The following CLSTN2 variants were observed in gnomAD, a reference collection of about 807,000 sequenced individuals.
CLSTN2 encodes calsyntenin 2.
In CLSTN2, 48 loss-of-function variants were observed where a neutral mutation model predicts 101.2. The ratio of observed to expected loss-of-function variants is 0.47; its 90% CI spans 0.38 to 0.60. CLSTN2 has a LOEUF of 0.60. CLSTN2 is among the 20% of genes least tolerant of loss of function. CLSTN2 has a pLI of 0.00. For synonymous variants in CLSTN2, 481 were observed against 463.6 expected (o/e 1.04, Z -0.48); for missense variants, 1,160 against 1,238.2 (o/e 0.94, Z 0.95).
rs962418427 is a variant in CLSTN2, at chr3:140,573,759, A to T, written c.*7506A>T. On this transcript the variant is annotated 3_prime_UTR_variant, in exon 17 of 17. Coordinates refer to ENST00000458420, the MANE Select transcript of CLSTN2 (RefSeq NM_022131.3). ...TAGCACCATCTGTTGAGTTCTGAAGAACCCAGATTCTCTCCTGCTCACAGC... is the reference window on the plus strand; with the variant it reads ...TAGCACCATCTGTTGAGTTCTGAAGTACCCAGATTCTCTCCTGCTCACAGC... 3.9e-5 allele frequency: 6 copies of T among 152,224 alleles called. No homozygotes were observed. The highest frequency in any genetic ancestry group is 3.9e-4 in the Admixed American group (6 of 15,280). The allele number at this position is 152,224 out of a possible 1,614,324, so 9.4% of individuals were successfully genotyped here. A position where few individuals can be genotyped will look rare whatever the true frequency, so the allele number is the denominator to read the frequency against.
At chr3:140,287,423 G>A (rs888007473) in intron 2 of CLSTN2, among the ~76,000 whole-genome samples, 1 of 152,066 alleles carries the variant, frequency 6.6e-6, no homozygotes, top group Non-Finnish European at 1.5e-5. Flanking sequence ...GCTTTTGGGG[G>A]AAAGAAGAAT....
intron 5 of CLSTN2, among the ~76,000 whole-genome samples, chr3:140,438,431 T>TAAAAAAAAAAAAAAGAAAAAAAAAAAA (rs2088709961): frequency 2.2e-5 from 1 of 45,678 alleles, no homozygotes; most frequent in African/African-American, 1.3e-4. Context: ...GTCCTTTCAT[T>TAAAAAAAAAAAAAAGAAAAAAAAAAAA]AAAAAAAAAA....
At chr3:140,386,906 C>T (rs1292516569) in intron 2 of CLSTN2, among the ~76,000 whole-genome samples, 1 of 152,228 alleles carries the variant, frequency 6.6e-6, no homozygotes, top group Non-Finnish European at 1.5e-5. Context: ...GTGCCCTAAA[C>T]TTGCTGAGTC....
intron 3 of CLSTN2, 32 bp from the exon 4 acceptor site, chr3:140,404,526 C>T: frequency 6.2e-7 from 1 of 1,603,636 alleles, no homozygotes; most frequent in East Asian, 2.2e-5. Context: ...CTTTCTTTAC[C>T]ACCATCCCTT....
intron 1 of CLSTN2, among the ~76,000 whole-genome samples, chr3:140,129,555 T>C (rs545099713): frequency 1.3e-5 from 2 of 152,284 alleles, no homozygotes; most frequent in East Asian, 3.9e-4. Flanking sequence ...TAGTACACAG[T>C]ATGTGCTCAA....
chr3:140,362,472 T>C (rs1392709837), intron 2 of CLSTN2, among the ~76,000 whole-genome samples: 1 of 152,132 alleles, frequency 6.6e-6, no homozygotes, highest in East Asian at 1.9e-4. Flanking sequence ...TTAATCAAAA[T>C]TTTAAACTTT....
chr3:139,939,560 A>G (rs1461682888), intron 1 of CLSTN2, among the ~76,000 whole-genome samples: 2 of 152,174 alleles, frequency 1.3e-5, no homozygotes, highest in Non-Finnish European at 2.9e-5. Flanking sequence ...ATGAGTGTCT[A>G]AGGCTGTTTA....
intron 2 of CLSTN2, among the ~76,000 whole-genome samples, chr3:140,214,558 G>A (rs576223760): frequency 6.6e-6 from 1 of 152,286 alleles, no homozygotes; most frequent in East Asian, 1.9e-4. Context: ...TAGAGCCAGA[G>A]TGTGCATCAT....
chr3:140,009,195 A>G (rs998006954), intron 1 of CLSTN2, among the ~76,000 whole-genome samples: 4 of 152,164 alleles, frequency 2.6e-5, no homozygotes, highest in African/African-American at 9.7e-5. Flanking sequence ...TATCTATTGT[A>G]CTTATCCAGC....
chr3:140,172,233 C>CG (rs1202204687), intron 1 of CLSTN2, among the ~76,000 whole-genome samples: 8 of 85,760 alleles, frequency 9.3e-5, no homozygotes, highest in East Asian at 9.2e-4. Flanking sequence ...TGGGGGTGAG[C>CG]GGGGGGGACT....
At chr3:140,520,600 G>A (rs1935003979) in intron 8 of CLSTN2, among the ~76,000 whole-genome samples, 1 of 152,124 alleles carries the variant, frequency 6.6e-6, no homozygotes, top group Admixed American at 6.5e-5. Flanking sequence ...TATAATTCAC[G>A]ATGAGATTTT....
At chr3:140,541,942 C>A (rs1401216580) in intron 9 of CLSTN2, among the ~76,000 whole-genome samples, 1 of 152,136 alleles carries the variant, frequency 6.6e-6, no homozygotes, top group Non-Finnish European at 1.5e-5. Context: ...TCTGCCATGA[C>A]CCTCCCTGCG....
intron 13 of CLSTN2, 76 bp downstream of exon 13, chr3:140,562,384 A>G: frequency 7.1e-7 from 1 of 1,401,928 alleles, no homozygotes; most frequent in Non-Finnish European, 9.7e-7. Context: ...CATGAGTGAG[A>G]TTGCACCTGT....
At chr3:140,422,845 G>A (rs1245631408) in intron 5 of CLSTN2, among the ~76,000 whole-genome samples, 1 of 152,196 alleles carries the variant, frequency 6.6e-6, no homozygotes, top group Non-Finnish European at 1.5e-5. Context: ...AGTGCCAATT[G>A]TGGGTGCTCA....
chr3:140,162,331 A>G (rs751275923), intron 1 of CLSTN2, among the ~76,000 whole-genome samples: 1 of 152,180 alleles, frequency 6.6e-6, no homozygotes, highest in Admixed American at 6.5e-5. Flanking sequence ...TAGAAAAGGT[A>G]CAAAATGATA....
chr3:140,138,282 G>T (rs952510255), intron 1 of CLSTN2, among the ~76,000 whole-genome samples: 2 of 152,124 alleles, frequency 1.3e-5, no homozygotes, highest in Non-Finnish European at 2.9e-5. Flanking sequence ...AGCTTAAAAA[G>T]GGGGGGAAGA....
intron 8 of CLSTN2, chr3:140,505,964 A>T (rs1254651634): frequency 6.6e-6 from 1 of 152,200 alleles, no homozygotes; most frequent in African/African-American, 2.4e-5. Context: ...ACTCCTGAGG[A>T]CAGGAAACAG....
intron 2 of CLSTN2, among the ~76,000 whole-genome samples, chr3:140,320,618 G>T (rs2087273225): frequency 6.8e-6 from 1 of 147,276 alleles, no homozygotes; most frequent in Non-Finnish European, 1.5e-5. Context: ...TTGCGGGGGG[G>T]GGCAGGGGTC....
intron 1 of CLSTN2, among the ~76,000 whole-genome samples, chr3:140,016,785 G>A (rs1028585953): frequency 3.6e-4 from 38 of 105,838 alleles, no homozygotes; most frequent in Non-Finnish European, 7.1e-5. Context: ...GTGACAGAGT[G>A]AGACTCTGAA....
Sources: allele counts gnomAD v4.1 joint callset (sites outside exome capture counted in the v4.1 genomes callset), GRCh38; gene constraint gnomAD v4.1.1; transcripts MANE v1.5; gene names NCBI Gene and HGNC (gene_info 2026-07-23, HGNC 2026-07-21).